NYAP2: variants seen among roughly 807,000 people sequenced by gnomAD.
NYAP2 encodes neuronal tyrosine-phosphorylated phosphoinositide-3-kinase adapter 2.
A neutral mutation model predicts 50.4 loss-of-function variants in NYAP2; 23 were observed. That is an observed-to-expected ratio of 0.46 (90% CI 0.33 to 0.65). The LOEUF (loss-of-function observed/expected upper bound fraction) is 0.65. Ranked by LOEUF, NYAP2 falls within the 30% of genes least tolerant of loss-of-function variation. The pLI is 0.02. For missense variants in NYAP2, 885 were observed against 861.0 expected (o/e 1.03, Z -0.35); for synonymous variants, 394 against 365.2 (o/e 1.08, Z -0.90).
chr2:225,558,077 A>C (rs577946595), intron 4 of NYAP2, among the ~76,000 whole-genome samples: 26 of 151,848 alleles, frequency 1.7e-4, no homozygotes, highest in Non-Finnish European at 3.4e-4. Context: ...CTATGATATG[A>C]CCCTCCAGGG....
chr2:225,427,611 G>C (rs904465733), intron 3 of NYAP2, among the ~76,000 whole-genome samples: 4 of 152,180 alleles, frequency 2.6e-5, no homozygotes, highest in Admixed American at 2.6e-4. Context: ...AGCCCAAGTG[G>C]TATCTCACTG....
At chr2:225,407,215 T>G (rs982825748) in intron 2 of NYAP2, among the ~76,000 whole-genome samples, 4 of 152,034 alleles carry the variant, frequency 2.6e-5, no homozygotes, top group South Asian at 2.1e-4. Flanking sequence ...TTTCCCCAAA[T>G]TGCAATCATT....
chr2:225,564,380 T>C (rs572737070), intron 4 of NYAP2, among the ~76,000 whole-genome samples: 3 of 151,826 alleles, frequency 2.0e-5, no homozygotes, highest in Non-Finnish European at 2.9e-5. Context: ...GTTGTGTTTT[T>C]AGTAACCCCT....
chr2:225,513,265 A>G, intron 3 of NYAP2, 106 bp from the exon 4 acceptor site: 1 of 1,007,206 alleles, frequency 9.9e-7, no homozygotes, highest in Non-Finnish European at 1.5e-6. Context: ...CACCGGACTA[A>G]AATGAAGATT....
chr2:225,610,045 T>G (rs903130373), intron 5 of NYAP2, among the ~76,000 whole-genome samples: 1 of 152,162 alleles, frequency 6.6e-6, no homozygotes, highest in African/African-American at 2.4e-5. Flanking sequence ...GCCTCATAGT[T>G]CTTAGAAGAC....
At chr2:225,665,590 A>C in the NYAP2 span, among the ~76,000 whole-genome samples, 1 of 140,388 alleles carries the variant, frequency 7.1e-6, no homozygotes, top group East Asian at 2.0e-4. Flanking sequence ...TTTTGAGACC[A>C]AAAAAAAAAA....
At chr2:225,528,093 G>A (rs1385695541) in intron 4 of NYAP2, among the ~76,000 whole-genome samples, 1 of 152,104 alleles carries the variant, frequency 6.6e-6, no homozygotes, top group African/African-American at 2.4e-5. Context: ...CACTCAATGA[G>A]AGAGAATTAT....
intron 4 of NYAP2, among the ~76,000 whole-genome samples, chr2:225,552,470 G>A (rs1400592474): frequency 1.3e-5 from 2 of 152,170 alleles, no homozygotes; most frequent in South Asian, 4.1e-4. Flanking sequence ...ATTTGGAGAT[G>A]AGGCCTTTGG....
chr2:225,435,782 T>A (rs1282753911), intron 3 of NYAP2, among the ~76,000 whole-genome samples: 4 of 152,200 alleles, frequency 2.6e-5, no homozygotes, highest in Admixed American at 2.6e-4. Flanking sequence ...CCACATGCAT[T>A]CACCTAGTTA....
In NYAP2 at chr2:225,543,975, C is replaced by T. The variant is rs924991536; in HGVS notation, c.523+30303C>T. Among the ~76,000 whole-genome samples the T allele has an allele frequency of 5.3e-5, 8 of 152,092 alleles. No homozygotes were observed. In the East Asian group the frequency reaches 1.5e-3, roughly 29 times the overall value. ...CATATGTATTTACAATTGTTATATC[C>T]TCTTGCTAAATTGACCCTTTCATCA... is the stretch of plus-strand genomic sequence containing the variant. On this transcript the variant is annotated intron_variant, in intron 4 of 6. Coordinates refer to ENST00000636099, the Ensembl canonical transcript of NYAP2.
chr2:225,638,095 A>G (rs987273883), intron 6 of NYAP2, among the ~76,000 whole-genome samples: 9 of 151,810 alleles, frequency 5.9e-5, no homozygotes, highest in Non-Finnish European at 1.3e-4. Flanking sequence ...GACTCTAGAT[A>G]TTAGAGAGAA....
At chr2:225,480,247 G>A (rs1690183072) in intron 3 of NYAP2, among the ~76,000 whole-genome samples, 1 of 152,098 alleles carries the variant, frequency 6.6e-6, no homozygotes, top group Non-Finnish European at 1.5e-5. Flanking sequence ...TTATTGGGAA[G>A]AGTGGGTGTG....
Position 225,512,647 on chromosome 2 carries a change from C to T in NYAP2, c.222-724C>T, listed in dbSNP as rs75843492. Among the ~76,000 whole-genome samples the T allele has an allele frequency of 6.8e-3, 992 of 144,820 alleles. 17 individuals are homozygous for T. Among genetic ancestry groups the T allele is most frequent in the African/African-American group, 0.023 (901 of 39,202 alleles). ...TACTTTTTCTCCTTCCTTCCTTCCT[C>T]CCTCCCTTCCTCCCATCTTTCTTTG... is the stretch of plus-strand genomic sequence containing the variant. On this transcript the variant is annotated intron_variant, in intron 3 of 6. Transcript: ENST00000636099.
chr2:225,700,361 A>T, the NYAP2 span: 1 of 151,656 alleles, frequency 6.6e-6, no homozygotes, highest in African/African-American at 2.4e-5. Context: ...GGAGAACTGT[A>T]TACATAAAAC....
intron 5 of NYAP2, among the ~76,000 whole-genome samples, chr2:225,605,308 T>C (rs1315802248): frequency 6.6e-6 from 1 of 152,076 alleles, no homozygotes; most frequent in Non-Finnish European, 1.5e-5. Context: ...AGCTTGTCTT[T>C]CCTCCAAAAA....
At chr2:225,646,295 C>T (rs146865339) in intron 6 of NYAP2, among the ~76,000 whole-genome samples, 3,772 of 152,172 alleles carry the variant, frequency 0.025, 176 homozygotes, top group African/African-American at 0.086. Context: ...CTCATGCCTG[C>T]AATCCTAGCA....
At chr2:225,410,941 AG>A (rs1695028800) in intron 3 of NYAP2, among the ~76,000 whole-genome samples, 1 of 152,126 alleles carries the variant, frequency 6.6e-6, no homozygotes, top group South Asian at 2.1e-4. Flanking sequence ...GTGAACTTTG[AG>A]TTGATTCCTG....
At chr2:225,489,814 C>T (rs984934375) in intron 3 of NYAP2, among the ~76,000 whole-genome samples, 2 of 152,110 alleles carry the variant, frequency 1.3e-5, no homozygotes, top group African/African-American at 4.8e-5. Context: ...ATACCAGTGT[C>T]CTGGGACCTT....
At chr2:225,431,651 T>C (rs1306526631) in intron 3 of NYAP2, among the ~76,000 whole-genome samples, 2 of 152,180 alleles carry the variant, frequency 1.3e-5, no homozygotes, top group Non-Finnish European at 2.9e-5. Flanking sequence ...CTCTCTCTCT[T>C]TTTCTCTTAA....
Sources: gnomAD v4.1 joint callset for allele counts (sites outside exome capture counted in the v4.1 genomes callset) on GRCh38, gnomAD v4.1.1 for gene constraint, MANE v1.5 for transcripts, NCBI Gene and HGNC (gene_info 2026-07-23, HGNC 2026-07-21) for gene names.